TIMP3: variants seen among roughly 807,000 people sequenced by gnomAD.
TIMP3 encodes the protein metalloproteinase inhibitor 3.
In TIMP3, 11 loss-of-function variants were observed where a neutral mutation model predicts 30.0. The observed-to-expected ratio is 0.37, with a 90% CI of 0.23 to 0.61. The LOEUF (loss-of-function observed/expected upper bound fraction) is 0.61, where lower values mean the gene tolerates loss of function less well. TIMP3 is among the 20% of genes least tolerant of loss of function. The pLI, the probability that TIMP3 is intolerant of heterozygous loss-of-function variation, is 0.70. For synonymous variants in TIMP3, 112 were observed against 111.3 expected (o/e 1.01, Z -0.04); for missense variants, 181 against 276.8 (o/e 0.65, Z 2.45).
intron 1 of TIMP3, among the ~76,000 whole-genome samples, chr22:32,845,147 C>T (rs1025742865): frequency 1.3e-5 from 2 of 151,518 alleles, no homozygotes; most frequent in African/African-American, 4.8e-5. Flanking sequence ...TGAGCCTCAC[C>T]TCTCCCTTCT....
intron 1 of TIMP3, among the ~76,000 whole-genome samples, chr22:32,815,909 T>C (rs1468869280): frequency 2.6e-5 from 4 of 152,176 alleles, no homozygotes; most frequent in Non-Finnish European, 5.9e-5. Context: ...TGGTCTGTGG[T>C]CTTCACCGCC....
At chr22:32,808,536 T>C (rs2046827114) in intron 1 of TIMP3, among the ~76,000 whole-genome samples, 1 of 152,160 alleles carries the variant, frequency 6.6e-6, no homozygotes, top group Non-Finnish European at 1.5e-5. Flanking sequence ...TAGGATAAAG[T>C]ATCATCAAAT....
intron 1 of TIMP3, among the ~76,000 whole-genome samples, chr22:32,834,899 G>C (rs1421840763): frequency 6.6e-6 from 1 of 152,158 alleles, no homozygotes; most frequent in East Asian, 1.9e-4. Flanking sequence ...GCTTATATCT[G>C]TCACCCAGGG....
At position 32,860,297 on chromosome 22, in the gene TIMP3, T is replaced by A. The variant is rs1257647018; in HGVS notation, c.*920T>A. ...GGATAAATACACACACCATACACTA[T>A]CCACAGATATAGCCAAGTAGATTTG... On this transcript the variant is annotated 3_prime_UTR_variant, in exon 5 of 5. Coordinates refer to ENST00000266085, the MANE Select transcript of TIMP3 (RefSeq NM_000362.5). The A allele has an allele frequency of 6.6e-6, 1 of 152,642 alleles. No homozygotes were observed. The highest frequency in any genetic ancestry group is 1.5e-5 in the Non-Finnish European group (1 of 68,050). The allele number at this position is 152,642 out of a possible 1,614,324, so 9.5% of individuals were successfully genotyped here. A position where few individuals can be genotyped will look rare whatever the true frequency, so the allele number is the denominator to read the frequency against.
At chr22:32,807,329 AAT>A (rs1301561567) in intron 1 of TIMP3, among the ~76,000 whole-genome samples, 20 of 79,774 alleles carry the variant, frequency 2.5e-4, no homozygotes, top group African/African-American at 1.0e-3. Context: ...ATAAATATAT[AAT>A]TTATATATAA....
In TIMP3 at chr22:32,861,014, G is replaced by A. The variant is rs555844806; in HGVS notation, c.*1637G>A. 1 of 151,902 alleles carries A rather than the reference G, an allele frequency of 6.6e-6. No individual in the cohort carries two copies. Among genetic ancestry groups the A allele is most frequent in the Non-Finnish European group, 1.5e-5 (1 of 67,916 alleles). The allele number at this position is 151,902 out of a possible 1,614,324, so 9.4% of individuals were successfully genotyped here. A position where few individuals can be genotyped will look rare whatever the true frequency, so the allele number is the denominator to read the frequency against. On this transcript the variant is annotated 3_prime_UTR_variant, in exon 5 of 5. Coordinates refer to ENST00000266085, the MANE Select transcript of TIMP3 (RefSeq NM_000362.5). ...CAAAAGTGAGATGCTGAGAGTAGGT[G>A]ATAATGTATATTTTACAGAGTGGGG...
chr22:32,836,350 TCTC>T (rs1483070857), intron 1 of TIMP3, among the ~76,000 whole-genome samples: 1 of 152,184 alleles, frequency 6.6e-6, no homozygotes, highest in African/African-American at 2.4e-5. Flanking sequence ...TAGTTGGTCT[TCTC>T]CTTCTTTATC....
At chr22:32,846,940 G>A (rs1210100736) in intron 1 of TIMP3, among the ~76,000 whole-genome samples, 1 of 152,230 alleles carries the variant, frequency 6.6e-6, no homozygotes, top group African/African-American at 2.4e-5. Flanking sequence ...GGAGTTGGCT[G>A]GTTGTATGTG....
chr22:32,824,147 G>A (rs117418375), intron 1 of TIMP3, among the ~76,000 whole-genome samples: 1,857 of 151,824 alleles, frequency 0.012, 18 homozygotes, highest in Non-Finnish European at 0.019. Context: ...GTGTGGTGGC[G>A]CACATCTGAA....
chr22:32,858,401 G>A (rs928414368), intron 4 of TIMP3, among the ~76,000 whole-genome samples: 1 of 152,190 alleles, frequency 6.6e-6, no homozygotes, highest in African/African-American at 2.4e-5. Context: ...GGGGCATGAG[G>A]GCTCTTGAGT....
intron 1 of TIMP3, among the ~76,000 whole-genome samples, chr22:32,817,993 T>C (rs1483467419): frequency 2.0e-5 from 3 of 152,220 alleles, no homozygotes; most frequent in Non-Finnish European, 4.4e-5. Flanking sequence ...ATTAAAGCTA[T>C]GCATACAAAT....
At chr22:32,824,586 T>A (rs1175814628) in intron 1 of TIMP3, among the ~76,000 whole-genome samples, 1 of 152,122 alleles carries the variant, frequency 6.6e-6, no homozygotes, top group Admixed American at 6.5e-5. Flanking sequence ...TTAAATAATA[T>A]ATATATGTCA....
intron 1 of TIMP3, among the ~76,000 whole-genome samples, chr22:32,828,731 C>T (rs1321084548): frequency 6.6e-6 from 1 of 152,184 alleles, no homozygotes; most frequent in East Asian, 1.9e-4. Flanking sequence ...ACTTCTTGGC[C>T]GGTTCTGGGA....
chr22:32,856,208 T>C (rs1043667531), intron 2 of TIMP3, among the ~76,000 whole-genome samples: 12 of 152,120 alleles, frequency 7.9e-5, no homozygotes. Flanking sequence ...GGTCCTAAGG[T>C]TGACAAAGAA....
intron 1 of TIMP3, among the ~76,000 whole-genome samples, chr22:32,808,925 G>C (rs910702266): frequency 6.6e-6 from 1 of 152,176 alleles, no homozygotes; most frequent in African/African-American, 2.4e-5. Context: ...CACTTTAGAG[G>C]GTAAGCACCC....
At chr22:32,807,386 T>TTA (rs1306965767) in intron 1 of TIMP3, among the ~76,000 whole-genome samples, 8 of 104,300 alleles carry the variant, frequency 7.7e-5, no homozygotes, top group Admixed American at 2.4e-4. Flanking sequence ...ATAATATATA[T>TTA]TATATATAAT....
chr22:32,857,336 A>C lies in TIMP3; in HGVS notation c.292A>C (p.Asn98His). The C allele has an allele frequency of 6.2e-7, 1 of 1,614,140 alleles. No homozygotes were observed. The highest frequency in any genetic ancestry group is 1.1e-5 in the South Asian group (1 of 91,074). Residue 98 changes from asparagine to histidine, a missense_variant, in exon 3 of 5, where the codon AAC (asparagine) becomes CAC (histidine). Asn to His is a moderately conservative substitution (Grantham distance 68). Transcript: ENST00000266085. Reference protein sequence around the residue: ...ESLCGLKLEVNKYQYLLTGRV... With the variant: ...ESLCGLKLEVHKYQYLLTGRV... ...TCTCTGTGGCCTTAAGCTGGAGGTCAACAAGTACCAGTACCTGCTGACAGG... is the reference window on the plus strand; with the variant it reads ...TCTCTGTGGCCTTAAGCTGGAGGTCCACAAGTACCAGTACCTGCTGACAGG...
Position 32,859,649 on chromosome 22 carries a change from CTCT to C in TIMP3, c.*278_*280del. 1 of 492,670 alleles carries C rather than the reference CTCT, an allele frequency of 2.0e-6. No homozygotes were observed. Among genetic ancestry groups the C allele is most frequent in the East Asian group, 3.5e-5 (1 of 28,256 alleles). The allele number at this position is 492,670 out of a possible 1,614,324, so 30.5% of individuals were successfully genotyped here. ...CAGAAAGAATGAGGAACCTGTATTC[CTCT>C]TCTTCGTGATAATATAATCTCTATT... On this transcript the variant is annotated 3_prime_UTR_variant, in exon 5 of 5. Transcript: ENST00000266085.
In TIMP3 at chr22:32,809,387, T is replaced by C. The variant is rs539000590; in HGVS notation, c.121+7265T>C. Among the ~76,000 whole-genome samples, 98 of 152,332 alleles carry C rather than the reference T, an allele frequency of 6.4e-4. 1 individual carries two copies. The highest frequency in any genetic ancestry group is 2.3e-3 in the African/African-American group (96 of 41,592). On this transcript the variant is annotated intron_variant, in intron 1 of 4. Coordinates refer to ENST00000266085, the MANE Select transcript of TIMP3 (RefSeq NM_000362.5). ...GTCAGTCTGCTTATCTTTGGTTTTC[T>C]TCCTCTCCAGACATGCCTTCCCTGC...
Sources: gnomAD v4.1 joint callset for allele counts (sites outside exome capture counted in the v4.1 genomes callset) on GRCh38, gnomAD v4.1.1 for gene constraint, MANE v1.5 for transcripts, NCBI Gene and HGNC (gene_info 2026-07-23, HGNC 2026-07-21) for gene names.